Variants in PCDHA5 observed in about 807,000 individuals in gnomAD.
PCDHA5 encodes the protein protocadherin alpha 5.
In PCDHA5, 43 loss-of-function variants were observed where a neutral mutation model predicts 61.6. That is an observed-to-expected ratio of 0.70 (90% CI 0.55 to 0.90). The LOEUF is 0.90. Ranked by LOEUF, PCDHA5 falls within the 40% of genes least tolerant of loss-of-function variation. The pLI is 0.00. For missense variants in PCDHA5, 1,298 were observed against 1,222.7 expected, an observed-to-expected ratio of 1.06 and a Z score of -0.92; for synonymous variants, 627 against 543.9, an observed-to-expected ratio of 1.15 and a Z score of -2.13.
intron 1 of PCDHA5, among the ~76,000 whole-genome samples, chr5:140,888,362 T>G (rs1282144902): frequency 6.6e-6 from 1 of 152,208 alleles, no homozygotes; most frequent in African/African-American, 2.4e-5. Flanking sequence ...TACTGGCATC[T>G]AATAATGGAG....
At chr5:140,967,649 T>C in intron 1 of PCDHA5, 1 of 1,614,132 alleles carries the variant, frequency 6.2e-7, no homozygotes. Context: ...GCTCAGGTAC[T>C]CCTTGAGCAG....
chr5:140,932,373 A>T (rs927239233), intron 1 of PCDHA5, among the ~76,000 whole-genome samples: 1 of 151,942 alleles, frequency 6.6e-6, no homozygotes, highest in Non-Finnish European at 1.5e-5. Flanking sequence ...AAATTTCCAC[A>T]TGAAAGTTAT....
Position 140,848,316 on chromosome 5 carries a change from G to T in PCDHA5, c.2352+24189G>T, listed in dbSNP as rs2150408504. 15 of 742,766 alleles carry T rather than the reference G, an allele frequency of 2.0e-5. 1 individual carries two copies. The highest frequency in any genetic ancestry group is 7.0e-5 in the African/African-American group (4 of 57,284). 46.0% of individuals were successfully genotyped at this position (742,766 alleles called of 1,614,324 possible). A position where few individuals can be genotyped will look rare whatever the true frequency, so the allele number is the denominator to read the frequency against. ...GCCACGTGATGTCACTCTTTGCCGC[G>T]ATGTTCTCTCTGAATCCAGACAAAT... On this transcript the variant is annotated intron_variant, in intron 1 of 3. Transcript: ENST00000529859.
In PCDHA5 at chr5:141,010,024, T is replaced by A; in HGVS notation, c.*87T>A. 7.6e-6 allele frequency: 12 copies of A among 1,572,358 alleles called. No individual in the cohort carries two copies. Among genetic ancestry groups the A allele is most frequent in the Non-Finnish European group, 1.0e-5 (12 of 1,163,296 alleles). On this transcript the variant is annotated 3_prime_UTR_variant, in exon 4 of 4. Coordinates refer to ENST00000529859, the MANE Select transcript of PCDHA5 (RefSeq NM_018908.3). ...GTAGCAATTCCCTGCTCCTTTTTCC[T>A]ATCTACATGAGCCCTCTTAGAGACC...
chr5:140,938,560 C>T (rs2092118397), intron 1 of PCDHA5, among the ~76,000 whole-genome samples: 1 of 143,272 alleles, frequency 7.0e-6, no homozygotes, highest in Non-Finnish European at 1.5e-5. Flanking sequence ...TTATTAATAG[C>T]ATGCATTATA....
chr5:140,826,458 C>A (rs1001848895), intron 1 of PCDHA5, among the ~76,000 whole-genome samples: 2 of 152,138 alleles, frequency 1.3e-5, no homozygotes, highest in Admixed American at 6.5e-5. Flanking sequence ...GTGTCACAAT[C>A]ATCTGTGAGG....
At chr5:140,994,636 T>C (rs1243732393) in intron 3 of PCDHA5, among the ~76,000 whole-genome samples, 1 of 151,996 alleles carries the variant, frequency 6.6e-6, no homozygotes, top group Admixed American at 6.6e-5. Flanking sequence ...ACCTGGAAGG[T>C]GGAGGTTGCA....
intron 1 of PCDHA5, among the ~76,000 whole-genome samples, chr5:140,906,717 T>G (rs566025860): frequency 6.6e-6 from 1 of 152,320 alleles, no homozygotes; most frequent in African/African-American, 2.4e-5. Context: ...CTGCCTGGAT[T>G]GTGCTGTTGT....
intron 1 of PCDHA5, among the ~76,000 whole-genome samples, chr5:140,923,038 T>C (rs529637754): frequency 1.2e-4 from 19 of 152,316 alleles, no homozygotes; most frequent in Admixed American, 1.0e-3. Context: ...TTACTACATG[T>C]ATAGTATTTA....
chr5:140,851,380 C>G, intron 1 of PCDHA5: 1 of 976,622 alleles, frequency 1.0e-6, no homozygotes, highest in Non-Finnish European at 1.2e-6. Context: ...TGTTCAGCAA[C>G]CTTCAGTATC....
chr5:140,826,678 A>T (rs2150144897), intron 1 of PCDHA5, among the ~76,000 whole-genome samples: 79,540 of 151,996 alleles, frequency 0.52, 20,975 homozygotes, highest in Middle Eastern at 0.64. Context: ...AGACGTAATT[A>T]AAAAAACCCA....
rs182357788 is a variant in PCDHA5, at chr5:140,944,436, C to T, written c.2353-34513C>T. Among the ~76,000 whole-genome samples, 220 of 152,278 alleles carry T rather than the reference C, an allele frequency of 1.4e-3. 1 individual carries two copies. Among genetic ancestry groups the T allele is most frequent in the African/African-American group, 4.9e-3 (204 of 41,560 alleles). The stretch of plus-strand genomic sequence containing the variant: ...TCCTGATCTGAAGTGGTCTGCCTGC[C>T]TCGGCCTCCCAAAGTGCTGGGATTA... On this transcript the variant is annotated intron_variant, in intron 1 of 3. Coordinates refer to ENST00000529859, the MANE Select transcript of PCDHA5 (RefSeq NM_018908.3).
chr5:140,833,524 A>G (rs1772501533), intron 1 of PCDHA5, among the ~76,000 whole-genome samples: 1 of 152,220 alleles, frequency 6.6e-6, no homozygotes, highest in South Asian at 2.1e-4. Context: ...TATTCATAAC[A>G]CACAAGTGTT....
chr5:140,900,566 G>A (rs1554189260), intron 1 of PCDHA5, among the ~76,000 whole-genome samples: 1 of 152,054 alleles, frequency 6.6e-6, no homozygotes, highest in Non-Finnish European at 1.5e-5. Flanking sequence ...CGTGAGCCAC[G>A]GCACCGGCCC....
chr5:140,853,625 A>G (rs1195027874), intron 1 of PCDHA5: 1 of 988,416 alleles, frequency 1.0e-6, no homozygotes, highest in African/African-American at 1.8e-5. Context: ...ATAAGTATAC[A>G]AGATCACAGA....
At chr5:140,867,027 C>T (rs1043288554) in intron 1 of PCDHA5, 4 of 152,102 alleles carry the variant, frequency 2.6e-5, no homozygotes, top group Non-Finnish European at 5.9e-5. Context: ...ATATCAAACT[C>T]TTTTATGACT....
At chr5:140,895,026 A>G (rs549013601) in intron 1 of PCDHA5, among the ~76,000 whole-genome samples, 5 of 152,096 alleles carry the variant, frequency 3.3e-5, no homozygotes, top group African/African-American at 1.2e-4. Flanking sequence ...CCTTTGTTTA[A>G]TTGTCCCCCA....
chr5:140,929,364 A>C (rs782443919), intron 1 of PCDHA5: 3 of 1,521,318 alleles, frequency 2.0e-6, no homozygotes, highest in Admixed American at 2.2e-5. Flanking sequence ...TTTGGCCCGG[A>C]GATGGCTGCT....
Position 140,827,381 on chromosome 5 carries a change from C to T in PCDHA5, c.2352+3254C>T, listed in dbSNP as rs2150147309. Reference sequence around the variant, plus strand: ...TTTTAAGCAAGAATCCTAATATAAGCTGCAGATAAATTAAATGTGATAAAG... The same window carrying T: ...TTTTAAGCAAGAATCCTAATATAAGTTGCAGATAAATTAAATGTGATAAAG... On this transcript the variant is annotated intron_variant, in intron 1 of 3. Transcript: ENST00000529859. Among the ~76,000 whole-genome samples, 177 of 152,258 alleles carry T rather than the reference C, an allele frequency of 1.2e-3. 1 individual carries two copies. The highest frequency in any genetic ancestry group is 1.7e-3 in the Non-Finnish European group (116 of 67,994).
Sources: gnomAD v4.1 joint callset for allele counts (sites outside exome capture counted in the v4.1 genomes callset) on GRCh38, gnomAD v4.1.1 for gene constraint, MANE v1.5 for transcripts, NCBI Gene and HGNC (gene_info 2026-07-23, HGNC 2026-07-21) for gene names.